SNX29: variants seen among roughly 807,000 people sequenced by gnomAD.
The protein encoded by SNX29 is sorting nexin-29.
Under a neutral mutation model 102.1 loss-of-function variants are expected in SNX29, and 78 were observed. That is an observed-to-expected ratio of 0.76 (90% CI 0.64 to 0.92). The LOEUF (loss-of-function observed/expected upper bound fraction) is 0.92, where lower values mean the gene tolerates loss of function less well. Ranked by LOEUF, SNX29 falls within the 40% of genes least tolerant of loss-of-function variation. The probability of loss-of-function intolerance (pLI) is 0.00; values close to 1 mark genes in which losing one functional copy is unlikely to be tolerated. For missense variants in SNX29, 1,280 were observed against 1,061.7 expected (o/e 1.21, Z -2.86); for synonymous variants, 580 against 414.5 (o/e 1.40, Z -4.85).
chr16:12,040,392 A>G (rs35437649), intron 4 of SNX29, among the ~76,000 whole-genome samples: 210 of 152,298 alleles, frequency 1.4e-3, no homozygotes, highest in South Asian at 6.2e-3. Context: ...TTAATTTAAA[A>G]TGTATATAAC....
rs1596676990 is a variant in SNX29 at position 12,043,991 on chromosome 16, T to A, written c.428+914T>A. Among the ~76,000 whole-genome samples, 2 of 152,158 alleles carry A rather than the reference T, an allele frequency of 1.3e-5. 1 individual carries two copies. The highest frequency in any genetic ancestry group is 4.1e-4 in the South Asian group (2 of 4,822). Reference sequence around the variant, plus strand: ...CTGGTCTTGAACTCCAGACCTCAGGTGATCTGCCCGCCTAGGCCTCCCAAA... The same window carrying A: ...CTGGTCTTGAACTCCAGACCTCAGGAGATCTGCCCGCCTAGGCCTCCCAAA... On this transcript the variant is annotated intron_variant, in intron 5 of 20. Coordinates refer to ENST00000566228, the MANE Select transcript of SNX29 (RefSeq NM_032167.5).
chr16:12,237,087 T>A (rs528439086), intron 14 of SNX29, among the ~76,000 whole-genome samples: 7 of 152,252 alleles, frequency 4.6e-5, no homozygotes, highest in African/African-American at 1.7e-4. Flanking sequence ...CTCAGGAATG[T>A]GTTGGCTGTT....
chr16:11,987,206 A>G (rs1303163570), intron 1 of SNX29, among the ~76,000 whole-genome samples: 1 of 151,638 alleles, frequency 6.6e-6, no homozygotes, highest in Non-Finnish European at 1.5e-5. Flanking sequence ...CTGGGACTAC[A>G]GGTGTGTGCC....
intron 20 of SNX29, among the ~76,000 whole-genome samples, chr16:12,564,966 A>G (rs925920908): frequency 2.7e-5 from 4 of 150,208 alleles, no homozygotes; most frequent in African/African-American, 7.3e-5. Flanking sequence ...GTCATTGTAA[A>G]TGTGAGGCGT....
At chr16:12,194,694 TTGG>T (rs2076726954) in intron 13 of SNX29, among the ~76,000 whole-genome samples, 2 of 151,646 alleles carry the variant, frequency 1.3e-5, no homozygotes, top group South Asian at 4.2e-4. Flanking sequence ...TGGTGTGATC[TTGG>T]CTCAGTGCAA....
At chr16:12,561,591 G>A (rs1184213888) in intron 20 of SNX29, among the ~76,000 whole-genome samples, 2 of 152,088 alleles carry the variant, frequency 1.3e-5, no homozygotes. Flanking sequence ...TCAGCCGCAT[G>A]CTGGTGACAG....
intron 1 of SNX29, among the ~76,000 whole-genome samples, chr16:11,989,662 A>G (rs1596536664): frequency 2.0e-5 from 3 of 152,330 alleles, no homozygotes; most frequent in Non-Finnish European, 4.4e-5. Flanking sequence ...CAGAATCTAG[A>G]TTCAACAACT....
At chr16:12,554,807 G>T (rs1020256124) in intron 20 of SNX29, among the ~76,000 whole-genome samples, 1 of 152,176 alleles carries the variant, frequency 6.6e-6, no homozygotes, top group Non-Finnish European at 1.5e-5. Context: ...CTAGAAATTT[G>T]TATTGAGCAC....
chr16:12,119,055 G>T (rs994609584), intron 11 of SNX29, among the ~76,000 whole-genome samples: 11 of 152,226 alleles, frequency 7.2e-5, no homozygotes, highest in African/African-American at 2.4e-4. Context: ...GTGATCCACA[G>T]CTTGATCTCT....
At chr16:12,124,811 T>G (rs1248408035) in intron 11 of SNX29, among the ~76,000 whole-genome samples, 1 of 152,170 alleles carries the variant, frequency 6.6e-6, no homozygotes, top group Non-Finnish European at 1.5e-5. Flanking sequence ...GGTTTTGTGG[T>G]TCTGTCTTCT....
rs2079114759 is a variant in SNX29, at chr16:12,568,636, CA to C, written c.*11del. ...CCAGAGCGGTGACCTCTGACCTCGA[CA>C]AAACCGCAGCCACGGGCCCTGTGCG... On this transcript the variant is annotated 3_prime_UTR_variant, in exon 21 of 21. Transcript: ENST00000566228. The C allele has an allele frequency of 6.2e-7, 1 of 1,601,672 alleles. No individual in the cohort carries two copies. The highest frequency in any genetic ancestry group is 8.5e-7 in the Non-Finnish European group (1 of 1,179,704).
chr16:12,333,957 A>G lies in SNX29; in HGVS notation c.1783-22206A>G, dbSNP rs142713659. Among the ~76,000 whole-genome samples the G allele has an allele frequency of 2.8e-3, 434 of 152,290 alleles. 1 individual carries two copies. Among genetic ancestry groups the G allele is most frequent in the Non-Finnish European group, 4.0e-3 (271 of 68,024 alleles). On this transcript the variant is annotated intron_variant, in intron 15 of 20. Transcript: ENST00000566228. ...TATCTTTGCCATCTCACTGAAATGA[A>G]TGTAACCTCATGGGGATGTTCCTTG... is the stretch of plus-strand genomic sequence containing the variant.
chr16:12,448,033 G>T (rs147872004), intron 18 of SNX29, among the ~76,000 whole-genome samples: 1 of 152,192 alleles, frequency 6.6e-6, no homozygotes, highest in Non-Finnish European at 1.5e-5. Context: ...TGGCGTTCCC[G>T]GGATTGTGCT....
intron 15 of SNX29, among the ~76,000 whole-genome samples, chr16:12,290,572 T>C (rs1354602013): frequency 2.0e-5 from 3 of 152,212 alleles, no homozygotes; most frequent in African/African-American, 4.8e-5. Context: ...TTGATGCTTG[T>C]ATGATTTAAT....
chr16:12,419,827 G>C (rs749782902), intron 18 of SNX29, among the ~76,000 whole-genome samples: 4 of 152,150 alleles, frequency 2.6e-5, no homozygotes, highest in Non-Finnish European at 5.9e-5. Flanking sequence ...GGTCGGTGTC[G>C]TGTACCTACT....
intron 13 of SNX29, among the ~76,000 whole-genome samples, chr16:12,144,912 G>A (rs1384803139): frequency 1.3e-5 from 2 of 152,094 alleles, no homozygotes; most frequent in African/African-American, 4.8e-5. Flanking sequence ...TAGTAGAGAC[G>A]GGGTTTCACC....
intron 16 of SNX29, among the ~76,000 whole-genome samples, chr16:12,371,241 C>CCTTCCTTT (rs2082671451): frequency 6.6e-6 from 1 of 152,122 alleles, no homozygotes; most frequent in Non-Finnish European, 1.5e-5. Flanking sequence ...TTCCTTCCTT[C>CCTTCCTTT]CTTCCTTTCT....
chr16:12,083,630 A>C (rs1014385092), intron 11 of SNX29, among the ~76,000 whole-genome samples: 1 of 152,206 alleles, frequency 6.6e-6, no homozygotes, highest in African/African-American at 2.4e-5. Flanking sequence ...GAAGGGATGC[A>C]ATTCAGTCCA....
In SNX29 at chr16:12,154,996, C is replaced by T. The variant is rs184503232; in HGVS notation, c.1595+25238C>T. Among the ~76,000 whole-genome samples the T allele has an allele frequency of 2.0e-5, 3 of 152,258 alleles. No homozygotes were observed. In the East Asian group the frequency reaches 5.8e-4, roughly 29 times the overall value. On this transcript the variant is annotated intron_variant, in intron 13 of 20. Coordinates refer to ENST00000566228, the MANE Select transcript of SNX29 (RefSeq NM_032167.5). ...GACACAAACATTGAGACCACAGTAG[C>T]AAGCATTTAGGCATGAAGAATGTCA...
Sources: gnomAD v4.1 joint callset for allele counts (sites outside exome capture counted in the v4.1 genomes callset) on GRCh38, gnomAD v4.1.1 for gene constraint, MANE v1.5 for transcripts, NCBI Gene and HGNC (gene_info 2026-07-23, HGNC 2026-07-21) for gene names.